The following KDM4B variants were observed in gnomAD, a reference collection of about 807,000 sequenced individuals.
KDM4B encodes the protein lysine-specific demethylase 4B.
Under a neutral mutation model 125.2 loss-of-function variants are expected in KDM4B, and 32 were observed. That is an observed-to-expected ratio of 0.26 (90% CI 0.19 to 0.34). KDM4B has a LOEUF of 0.34. Among genes scored for constraint, KDM4B ranks in the 10% least tolerant of loss-of-function variants. KDM4B has a pLI of 1.00. For synonymous variants in KDM4B, 721 were observed against 677.9 expected, an observed-to-expected ratio of 1.06 and a Z score of -0.99; for missense variants, 1,190 against 1,577.7, an observed-to-expected ratio of 0.75 and a Z score of 4.16.
intron 9 of KDM4B, among the ~76,000 whole-genome samples, chr19:5,095,907 T>A (rs936029226): frequency 1.3e-5 from 2 of 152,150 alleles, no homozygotes; most frequent in Non-Finnish European, 2.9e-5. Flanking sequence ...GGGCCCCCAG[T>A]CTATAGAGTG....
chr19:4,995,649 C>G (rs572814105), intron 1 of KDM4B, among the ~76,000 whole-genome samples: 2 of 152,166 alleles, frequency 1.3e-5, no homozygotes, highest in African/African-American at 2.4e-5. Context: ...CATTCAACCC[C>G]AGGAATATGC....
At chr19:5,077,618 C>T (rs1470644197) in intron 8 of KDM4B, 148 bp downstream of exon 8, 2 of 642,008 alleles carry the variant, frequency 3.1e-6, no homozygotes, top group South Asian at 1.9e-5. Flanking sequence ...GGCCGCATGG[C>T]TCAGCAGTTA....
At chr19:4,991,685 A>T (rs2035036161) in intron 1 of KDM4B, among the ~76,000 whole-genome samples, 1 of 152,130 alleles carries the variant, frequency 6.6e-6, no homozygotes, top group African/African-American at 2.4e-5. Flanking sequence ...TGTTACCTGC[A>T]CAGATTCCAG....
intron 1 of KDM4B, among the ~76,000 whole-genome samples, chr19:4,992,756 A>G (rs897413290): frequency 6.6e-6 from 1 of 152,160 alleles, no homozygotes; most frequent in African/African-American, 2.4e-5. Context: ...TGGCCATCCT[A>G]TAAGTTTTAC....
intron 3 of KDM4B, 95 bp from the exon 4 acceptor site, chr19:5,039,737 TGGGG>T: frequency 7.8e-7 from 1 of 1,285,510 alleles, no homozygotes; most frequent in South Asian, 1.5e-5. Flanking sequence ...GTGCAGATCT[TGGGG>T]GGTGCTGGTC....
intron 8 of KDM4B, 184 bp downstream of exon 8, chr19:5,077,654 G>C: frequency 3.5e-6 from 2 of 576,808 alleles, no homozygotes; most frequent in Non-Finnish European, 6.1e-6. Flanking sequence ...ACGGGGAAGC[G>C]AAGATGGCAG....
chr19:5,095,625 G>T (rs1229708035), intron 9 of KDM4B, among the ~76,000 whole-genome samples: 2 of 152,088 alleles, frequency 1.3e-5, no homozygotes, highest in Non-Finnish European at 2.9e-5. Flanking sequence ...GGATCAGATC[G>T]CAAGGGGCTG....
intron 2 of KDM4B, among the ~76,000 whole-genome samples, chr19:5,019,452 G>C (rs1389737147): frequency 6.7e-6 from 1 of 148,516 alleles, no homozygotes; most frequent in Non-Finnish European, 1.5e-5. Flanking sequence ...TGGTGTGCGT[G>C]TTGGTGTGCA....
chr19:5,105,294 C>T (rs1205047066), intron 9 of KDM4B, among the ~76,000 whole-genome samples: 1 of 152,276 alleles, frequency 6.6e-6, no homozygotes, highest in Non-Finnish European at 1.5e-5. Context: ...ACTGGGACTG[C>T]TGCCCATGTC....
Position 5,082,908 on chromosome 19 carries a change from G to C in KDM4B, c.918+404G>C, listed in dbSNP as rs1221507311. Among the ~76,000 whole-genome samples, 1 of 152,208 alleles carries C rather than the reference G, an allele frequency of 6.6e-6. No homozygotes were observed. Among genetic ancestry groups the C allele is most frequent in the Non-Finnish European group, 1.5e-5 (1 of 68,036 alleles). On this transcript the variant is annotated intron_variant, in intron 9 of 22. Transcript: ENST00000159111. This position sits in a 1 kb window ranked among gnomAD's most constrained non-coding sequence, Gnocchi z 5.4. ...GCCATCATGGTCCTGGGGTTGGGTT[G>C]TTTGCTGACATCTCTCTCCTGGGGG...
intron 1 of KDM4B, among the ~76,000 whole-genome samples, chr19:5,012,678 G>C (rs2035766595): frequency 6.6e-6 from 1 of 152,214 alleles, no homozygotes; most frequent in African/African-American, 2.4e-5. Context: ...CTGGCACGCG[G>C]TGGAGGCTGT....
chr19:5,021,976 CTCTG>C (rs2036136549), intron 2 of KDM4B, among the ~76,000 whole-genome samples: 1 of 152,116 alleles, frequency 6.6e-6, no homozygotes, highest in South Asian at 2.1e-4. Context: ...TTTTGTTTGC[CTCTG>C]TCTGCTTTCC....
At chr19:5,091,780 C>T (rs972889449) in intron 9 of KDM4B, among the ~76,000 whole-genome samples, 2 of 152,056 alleles carry the variant, frequency 1.3e-5, no homozygotes, top group South Asian at 4.1e-4. Flanking sequence ...GGAGGGCCCA[C>T]GGAGGTGCGG....
At chr19:5,116,239 A>T (rs2039252766) in intron 10 of KDM4B, among the ~76,000 whole-genome samples, 3 of 140,774 alleles carry the variant, frequency 2.1e-5, no homozygotes, top group African/African-American at 9.0e-5. Context: ...CATCTCTAAA[A>T]AAAAAAAAAA....
intron 9 of KDM4B, among the ~76,000 whole-genome samples, chr19:5,104,327 T>C (rs904938732): frequency 2.6e-5 from 4 of 152,354 alleles, no homozygotes; most frequent in East Asian, 1.9e-4. Context: ...GGGCCCAGCG[T>C]TGCACGGTAA....
intron 4 of KDM4B, 77 bp from the exon 5 acceptor site, chr19:5,041,060 G>C: frequency 2.2e-6 from 2 of 914,026 alleles, no homozygotes; most frequent in Non-Finnish European, 3.5e-6. Flanking sequence ...GGGTGCCCTG[G>C]GTTCCAGGTG....
chr19:5,035,880 T>TGTGTGCGCGCGCGC lies in KDM4B; in HGVS notation c.141+2850_141+2851insTGTGCGCGCGCGCG, dbSNP rs58219404. 7.3e-6 allele frequency among the ~76,000 whole-genome samples: 1 copy of TGTGTGCGCGCGCGC among 136,400 alleles called. No homozygotes were observed. Among genetic ancestry groups the TGTGTGCGCGCGCGC allele is most frequent in the Non-Finnish European group, 1.6e-5 (1 of 62,354 alleles). 89.5% of individuals were successfully genotyped at this position (136,400 alleles called of 152,430 possible). On this transcript the variant is annotated intron_variant, in intron 3 of 22. Coordinates refer to ENST00000159111, the MANE Select transcript of KDM4B (RefSeq NM_015015.3). The surrounding 1 kb of genome is among the most constrained non-coding windows in gnomAD (Gnocchi z 5.3). ...ACGTGTCTCTGTGTGTGTGTGTGTGTGCGCGCGCGCGCGCGCCTGCGCGCA... is the reference window on the plus strand; with the variant it reads ...ACGTGTCTCTGTGTGTGTGTGTGTGTGTGTGCGCGCGCGCGCGCGCGCGCGCGCGCCTGCGCGCA...
intron 10 of KDM4B, among the ~76,000 whole-genome samples, chr19:5,118,593 C>T (rs1047934110): frequency 1.3e-5 from 2 of 152,210 alleles, no homozygotes; most frequent in Non-Finnish European, 2.9e-5. Context: ...GGGAACCACC[C>T]CCTCCGCATC....
rs1020967802 is a variant in KDM4B at position 5,081,612 on chromosome 19, C to T, written c.781-755C>T. Among the ~76,000 whole-genome samples the T allele has an allele frequency of 2.0e-5, 3 of 152,136 alleles. No individual in the cohort carries two copies. Among genetic ancestry groups the T allele is most frequent in the Admixed American group, 2.0e-4 (3 of 15,290 alleles). ...CTGCAAAGTCGAATGGGCCGAACATCCGAATTGGACCTGGGTCTGGAAGCA... is the reference window on the plus strand; with the variant it reads ...CTGCAAAGTCGAATGGGCCGAACATTCGAATTGGACCTGGGTCTGGAAGCA... On this transcript the variant is annotated intron_variant, in intron 8 of 22. Transcript: ENST00000159111. This position sits in a 1 kb window ranked among gnomAD's most constrained non-coding sequence, Gnocchi z 4.2.
Sources: allele counts gnomAD v4.1 joint callset (sites outside exome capture counted in the v4.1 genomes callset), GRCh38; gene constraint gnomAD v4.1.1; non-coding constraint Gnocchi (gnomAD v3.1); transcripts MANE v1.5; gene names NCBI Gene and HGNC (gene_info 2026-07-23, HGNC 2026-07-21).